Variants in TGIF1 observed in about 807,000 individuals in gnomAD.
The protein encoded by TGIF1 is TGFB induced factor homeobox 1.
In TGIF1, 4 loss-of-function variants were observed where a neutral mutation model predicts 19.3. That is an observed-to-expected ratio of 0.21 (90% CI 0.10 to 0.47). The LOEUF is 0.47. Ranked by LOEUF, TGIF1 falls within the 20% of genes least tolerant of loss-of-function variation. The probability of loss-of-function intolerance (pLI) is 0.98; values close to 1 mark genes in which losing one functional copy is unlikely to be tolerated. For synonymous variants in TGIF1, 122 were observed against 129.3 expected (o/e 0.94, Z 0.38); for missense variants, 275 against 341.4 (o/e 0.81, Z 1.53).
chr18:3,451,864 CCG>C lies in TGIF1; in HGVS notation c.16+1360_16+1361del. 1 of 1,414,768 alleles carries C rather than the reference CCG, an allele frequency of 7.1e-7. No individual in the cohort carries two copies. Among genetic ancestry groups the C allele is most frequent in the Admixed American group, 2.9e-5 (1 of 33,940 alleles). The allele number at this position is 1,414,768 out of a possible 1,614,324, so 87.6% of individuals were successfully genotyped here. A position where few individuals can be genotyped will look rare whatever the true frequency, so the allele number is the denominator to read the frequency against. ...CTGGGAGAAAACGCGCGGGGGGCGT[CCG>C]AGACGCCCCGTGAAAGCCGTGCCGA... is the stretch of plus-strand genomic sequence containing the variant. On this transcript the variant is annotated intron_variant, in intron 1 of 2. Transcript: ENST00000343820. This position sits in a 1 kb window ranked among gnomAD's most constrained non-coding sequence, Gnocchi z 5.4.
chr18:3,457,269 A>G lies in TGIF1; in HGVS notation c.244-96A>G, dbSNP rs934744934. 25 of 1,287,644 alleles carry G rather than the reference A, an allele frequency of 1.9e-5. No homozygotes were observed. Among genetic ancestry groups the G allele is most frequent in the Middle Eastern group, 1.8e-4 (1 of 5,498 alleles). 79.8% of individuals were successfully genotyped at this position (1,287,644 alleles called of 1,614,324 possible). On this transcript the variant is annotated intron_variant, in intron 2 of 2. Coordinates refer to ENST00000343820, the MANE Select transcript of TGIF1 (RefSeq NM_003244.4). This position sits in a 1 kb window ranked among gnomAD's most constrained non-coding sequence, Gnocchi z 4.9. Reference sequence around the variant, plus strand: ...AGGCTTTTCATGCTTTCTTTAATTCAGAGAGCAAGATCAATTAGGTACCCC... The same window carrying G: ...AGGCTTTTCATGCTTTCTTTAATTCGGAGAGCAAGATCAATTAGGTACCCC...
intron 1 of TGIF1, chr18:3,452,094 C>G: frequency 6.2e-7 from 1 of 1,614,054 alleles, no homozygotes; most frequent in South Asian, 1.1e-5. Flanking sequence ...CGGGAATCCC[C>G]AGTGCTCCTT....
upstream of TGIF1, chr18:3,450,065 T>C (rs1189637912): frequency 2.0e-6 from 2 of 1,015,600 alleles, no homozygotes; most frequent in Non-Finnish European, 2.4e-6. Context: ...TCTTCCCGGC[T>C]GGAAGGTGCG....
chr18:3,456,205 C>T lies in TGIF1; in HGVS notation c.17-149C>T. ...CTAGTCAAACTACTTTTACTTGGACCCTGAATTCAGGACAGAAAACACTGC... is the reference window on the plus strand; with the variant it reads ...CTAGTCAAACTACTTTTACTTGGACTCTGAATTCAGGACAGAAAACACTGC... On this transcript the variant is annotated intron_variant, in intron 1 of 2. Transcript: ENST00000343820. The surrounding 1 kb of genome is among the most constrained non-coding windows in gnomAD (Gnocchi z 4.2). The T allele has an allele frequency of 1.2e-6, 1 of 837,150 alleles. No homozygotes were observed. Among genetic ancestry groups the T allele is most frequent in the Non-Finnish European group, 2.1e-6 (1 of 486,638 alleles). 51.9% of individuals were successfully genotyped at this position (837,150 alleles called of 1,614,324 possible). A position where few individuals can be genotyped will look rare whatever the true frequency, so the allele number is the denominator to read the frequency against.
intron 2 of TGIF1, among the ~76,000 whole-genome samples, chr18:3,432,053 A>G (rs113960173): frequency 0.11 from 16,694 of 149,236 alleles, 1,037 homozygotes; most frequent in African/African-American, 0.14. Context: ...GCTTGAACCC[A>G]GGAGGCGGAG....
At chr18:3,429,233 T>A (rs771619897) in intron 2 of TGIF1, among the ~76,000 whole-genome samples, 12 of 151,440 alleles carry the variant, frequency 7.9e-5, no homozygotes, top group Non-Finnish European at 1.6e-4. Context: ...ATTTTGTAAT[T>A]TTTTTTTTGT....
intron 1 of TGIF1, among the ~76,000 whole-genome samples, chr18:3,454,009 C>G (rs896576759): frequency 1.3e-5 from 2 of 152,216 alleles, no homozygotes; most frequent in African/African-American, 4.8e-5. Context: ...ACAGTCCTGA[C>G]AGCAGCAAAC....
intron 1 of TGIF1, among the ~76,000 whole-genome samples, chr18:3,454,348 T>C (rs766525611): frequency 3.3e-5 from 5 of 152,220 alleles, no homozygotes; most frequent in Non-Finnish European, 7.3e-5. Context: ...GAATTCACTG[T>C]TCAATGAGCA....
chr18:3,452,009 C>T lies in TGIF1; in HGVS notation c.16+1504C>T, dbSNP rs145179055. 19 of 1,606,280 alleles carry T rather than the reference C, an allele frequency of 1.2e-5. No homozygotes were observed. In the African/African-American group the frequency reaches 2.3e-4, roughly 19 times the overall value. ...TTCTAGCGCAGAGCCGGGTGTCTGC[C>T]GGGGTGGGCTCCCCGCATTGTTCGG... On this transcript the variant is annotated intron_variant, in intron 1 of 2. Transcript: ENST00000343820.
intron 2 of TGIF1, among the ~76,000 whole-genome samples, chr18:3,437,740 G>A (rs2082632430): frequency 6.6e-6 from 1 of 152,196 alleles, no homozygotes; most frequent in Non-Finnish European, 1.5e-5. Flanking sequence ...AAGCACATAT[G>A]GTTATAGAAT....
At position 3,457,496 on chromosome 18, in the gene TGIF1, C is replaced by A; in HGVS notation, c.375C>A (p.Ser125=). 1 of 1,614,186 alleles carries A rather than the reference C, an allele frequency of 6.2e-7. No homozygotes were observed. The highest frequency in any genetic ancestry group is 8.5e-7 in the Non-Finnish European group (1 of 1,180,034). The change falls in exon 3 of 3, where the codon TCC becomes TCA. Residue 125 remains serine (S), a synonymous_variant. Coordinates refer to ENST00000343820, the MANE Select transcript of TGIF1 (RefSeq NM_003244.4). The surrounding 1 kb of genome is among the most constrained non-coding windows in gnomAD (Gnocchi z 4.9). Reference sequence around the variant, plus strand: ...TTTCTGAAACGAGCTCTGTGGAGTCCGTGATGGGCATCAAAAACTTCATGC... The same window carrying A: ...TTTCTGAAACGAGCTCTGTGGAGTCAGTGATGGGCATCAAAAACTTCATGC... ...AKISETSSVE[S]VMGIKNFMPA...
chr18:3,447,618 C>T, upstream of TGIF1: 2 of 1,106,314 alleles, frequency 1.8e-6, no homozygotes, highest in Non-Finnish European at 2.8e-6. Flanking sequence ...TCAGCGTTGG[C>T]TGGGGGGAGG....
chr18:3,449,361 T>C (rs2082824732), upstream of TGIF1: 3 of 985,002 alleles, frequency 3.0e-6, no homozygotes, highest in South Asian at 4.7e-5. Context: ...TCAGGCGGAG[T>C]CTTGGTGAGG....
chr18:3,415,558 C>T (rs1467288033), intron 1 of TGIF1: 4 of 332,386 alleles, frequency 1.2e-5, no homozygotes, highest in African/African-American at 2.1e-5. Context: ...CCAGGACCCT[C>T]CAGCTCCAGC....
At chr18:3,417,684 G>T (rs2082350754) in intron 1 of TGIF1, among the ~76,000 whole-genome samples, 1 of 152,056 alleles carries the variant, frequency 6.6e-6, no homozygotes, top group Non-Finnish European at 1.5e-5. Flanking sequence ...AACAAAAATA[G>T]ATATTTCCAA....
upstream of TGIF1, chr18:3,449,416 AT>A: frequency 1.0e-6 from 1 of 985,424 alleles, no homozygotes; most frequent in South Asian, 4.7e-5. Flanking sequence ...TTTAAAGAGC[AT>A]GTGAGCGTGA....
Position 3,452,232 on chromosome 18 carries a change from C to G in TGIF1, c.16+1727C>G, listed in dbSNP as rs760686702. 2.5e-6 allele frequency: 4 copies of G among 1,609,514 alleles called. No individual in the cohort carries two copies. The South Asian group carries it at 4.4e-5, about 18-fold the overall frequency. ...GTCCTCCTGCGCCCCCCCTCCTCCA[C>G]CGGCGCGCTGCCCACAGCCGCGTGC... On this transcript the variant is annotated intron_variant, in intron 1 of 2. Coordinates refer to ENST00000343820, the MANE Select transcript of TGIF1 (RefSeq NM_003244.4).
chr18:3,426,374 G>T (rs1161767076), intron 2 of TGIF1, among the ~76,000 whole-genome samples: 2 of 151,946 alleles, frequency 1.3e-5, no homozygotes, highest in Non-Finnish European at 2.9e-5. Flanking sequence ...TCACTGTGTT[G>T]TCTAGGCTGG....
intron 2 of TGIF1, among the ~76,000 whole-genome samples, chr18:3,433,527 CTACTTT>C (rs1452662318): frequency 6.6e-6 from 1 of 152,164 alleles, no homozygotes; most frequent in Non-Finnish European, 1.5e-5. Context: ...TATTGTGATT[CTACTTT>C]TATGAAAAAC....
Sources: allele counts gnomAD v4.1 joint callset (sites outside exome capture counted in the v4.1 genomes callset), GRCh38; gene constraint gnomAD v4.1.1; non-coding constraint Gnocchi (gnomAD v3.1); transcripts MANE v1.5; gene names NCBI Gene and HGNC (gene_info 2026-07-23, HGNC 2026-07-21).